The following AGTPBP1 variants were observed in gnomAD, a reference collection of about 807,000 sequenced individuals.
AGTPBP1 encodes the protein ATP/GTP binding carboxypeptidase 1, also known as cytosolic carboxypeptidase 1.
In AGTPBP1, 70 loss-of-function variants were observed where a neutral mutation model predicts 143.9. The observed-to-expected ratio is 0.49, with a 90% confidence interval of 0.40 to 0.59. The LOEUF (loss-of-function observed/expected upper bound fraction) is 0.59, where lower values mean the gene tolerates loss of function less well. Among genes scored for constraint, AGTPBP1 ranks in the 20% least tolerant of loss-of-function variants. The pLI is 0.00. For missense variants in AGTPBP1, 1,229 were observed against 1,464.5 expected (o/e 0.84, Z 2.62); for synonymous variants, 463 against 500.2 (o/e 0.93, Z 0.99).
intron 14 of AGTPBP1, among the ~76,000 whole-genome samples, chr9:85,628,944 T>G (rs1831480309): frequency 6.6e-6 from 1 of 152,122 alleles, no homozygotes. Context: ...CTCAATCTCC[T>G]GACCTCGTGA....
chr9:85,786,776 T>C, the AGTPBP1 span, among the ~76,000 whole-genome samples: 1 of 152,162 alleles, frequency 6.6e-6, no homozygotes, highest in East Asian at 1.9e-4. Context: ...TATATTCCCA[T>C]AGTAATCAAA....
the AGTPBP1 span, among the ~76,000 whole-genome samples, chr9:85,766,772 T>G: frequency 1.3e-5 from 2 of 152,210 alleles, no homozygotes; most frequent in African/African-American, 4.8e-5. Context: ...AATAGATCTG[T>G]CACTAGCAGA....
intron 7 of AGTPBP1, among the ~76,000 whole-genome samples, chr9:85,670,079 T>C (rs1176578169): frequency 1.3e-5 from 2 of 152,206 alleles, no homozygotes; most frequent in Non-Finnish European, 2.9e-5. Context: ...AAATGATGCC[T>C]AGGCTCAGTC....
At chr9:85,735,379 G>A (rs1387559055) in intron 1 of AGTPBP1, among the ~76,000 whole-genome samples, 1 of 152,164 alleles carries the variant, frequency 6.6e-6, no homozygotes, top group Non-Finnish European at 1.5e-5. Context: ...AATGGATTAT[G>A]GGGGAGGGGG....
Position 85,736,114 on chromosome 9 carries a change from C to T in AGTPBP1, c.-34+5661G>A, listed in dbSNP as rs190193477. On this transcript the variant is annotated intron_variant, in intron 1 of 25. Coordinates refer to ENST00000357081, the MANE Select transcript of AGTPBP1 (RefSeq NM_001330701.2). ...GCCTTCACTGTTTAATATTTACATT[C>T]CCAAAATGTTAAATTTGAACATTTA... Among the ~76,000 whole-genome samples the T allele has an allele frequency of 2.0e-3, 297 of 152,188 alleles. 2 individuals carry two copies. The Middle Eastern group carries it at 0.024, about 12-fold the overall frequency.
At chr9:85,768,496 T>C in the AGTPBP1 span, among the ~76,000 whole-genome samples, 481 of 152,286 alleles carry the variant, frequency 3.2e-3, 2 homozygotes, top group Admixed American at 5.6e-3. Context: ...TTATGTATTG[T>C]TTCTCTTAAA....
rs185903013 is a variant in AGTPBP1, at chr9:85,607,690, G to T, written c.2336-11241C>A. 3.1e-4 allele frequency among the ~76,000 whole-genome samples: 47 copies of T among 152,112 alleles called. No homozygotes were observed. The East Asian group carries it at 4.2e-3, about 14-fold the overall frequency. On this transcript the variant is annotated intron_variant, in intron 17 of 25. Transcript: ENST00000357081. Reference sequence around the variant, plus strand: ...AAGGCCAAAGTTTTATTGAGAACATGGTTAATATTATGTGCAAATACAAAG... The same window carrying T: ...AAGGCCAAAGTTTTATTGAGAACATTGTTAATATTATGTGCAAATACAAAG...
chr9:85,604,063 T>C (rs941392601), intron 17 of AGTPBP1, among the ~76,000 whole-genome samples: 2 of 152,138 alleles, frequency 1.3e-5, no homozygotes, highest in African/African-American at 2.4e-5. Flanking sequence ...GGGAAGTTCA[T>C]TGCCCTAAAG....
the AGTPBP1 span, chr9:85,753,232 A>G: frequency 5.8e-6 from 9 of 1,559,716 alleles, no homozygotes; most frequent in African/African-American, 5.5e-5. Flanking sequence ...AAGAAAGAAA[A>G]AAAAAATTGT....
upstream of AGTPBP1, among the ~76,000 whole-genome samples, chr9:85,746,915 A>G (rs1413730880): frequency 6.6e-6 from 1 of 152,130 alleles, no homozygotes; most frequent in Non-Finnish European, 1.5e-5. Context: ...GTGCGGTGGC[A>G]TGATCATAGC....
At chr9:85,766,757 T>G in the AGTPBP1 span, among the ~76,000 whole-genome samples, 5 of 152,176 alleles carry the variant, frequency 3.3e-5, no homozygotes. Flanking sequence ...AAGGTTAATA[T>G]TCCAAATAGA....
At chr9:85,790,344 A>AAAT in the AGTPBP1 span, among the ~76,000 whole-genome samples, 1 of 152,174 alleles carries the variant, frequency 6.6e-6, no homozygotes, top group Admixed American at 6.5e-5. Flanking sequence ...CTGACTTTTC[A>AAAT]TAGGTTTTGT....
At chr9:85,799,847 T>C in the AGTPBP1 span, among the ~76,000 whole-genome samples, 1 of 152,046 alleles carries the variant, frequency 6.6e-6, no homozygotes, top group Non-Finnish European at 1.5e-5. Flanking sequence ...AATGAGGCAA[T>C]AAAATGTTGA....
intron 13 of AGTPBP1, among the ~76,000 whole-genome samples, chr9:85,634,275 G>A (rs1831888588): frequency 6.6e-6 from 1 of 151,828 alleles, no homozygotes; most frequent in South Asian, 2.1e-4. Flanking sequence ...GCAGAGGTAG[G>A]TGGCAACTCT....
chr9:85,571,734 T>C (rs940992057), intron 25 of AGTPBP1, among the ~76,000 whole-genome samples: 2 of 152,308 alleles, frequency 1.3e-5, no homozygotes, highest in Middle Eastern at 3.4e-3. Context: ...GTATCCATGA[T>C]AGTCTTGCCA....
chr9:85,741,451 C>T (rs1824268530), intron 1 of AGTPBP1: 2 of 985,350 alleles, frequency 2.0e-6, no homozygotes, highest in African/African-American at 1.7e-5. Flanking sequence ...AAGGGCTGAG[C>T]AGAAAGGGCG....
Position 85,633,301 on chromosome 9 carries a change from G to C in AGTPBP1, c.1376C>G (p.Pro459Arg). The C allele has an allele frequency of 6.2e-7, 1 of 1,613,718 alleles. No individual in the cohort carries two copies. Among genetic ancestry groups the C allele is most frequent in the Non-Finnish European group, 8.5e-7 (1 of 1,179,888 alleles). ...CCCAGATGTTTCCTCGCCTGCCGTA[G>C]GAACAACAATAGGACCACGTACTTT... ...EGKVRGPIVV[P>R]TAGEETSGNS... Residue 459 changes from proline (P) to arginine (R), a missense_variant, in exon 14 of 26, where the codon CCT (proline) becomes CGT (arginine). Transcript: ENST00000357081.
intron 11 of AGTPBP1, among the ~76,000 whole-genome samples, chr9:85,647,271 C>T (rs554012324): frequency 6.6e-6 from 1 of 152,166 alleles, no homozygotes; most frequent in Admixed American, 6.5e-5. Context: ...GAGCAAAATT[C>T]TGTCTCAAAA....
chr9:85,693,615 T>C (rs1387617404), intron 2 of AGTPBP1, among the ~76,000 whole-genome samples: 1 of 151,788 alleles, frequency 6.6e-6, no homozygotes, highest in Non-Finnish European at 1.5e-5. Flanking sequence ...ACAAAAAAAA[T>C]TGTACATACG....
Sources: gnomAD v4.1 joint callset for allele counts (sites outside exome capture counted in the v4.1 genomes callset) on GRCh38, gnomAD v4.1.1 for gene constraint, MANE v1.5 for transcripts, NCBI Gene and HGNC (gene_info 2026-07-23, HGNC 2026-07-21) for gene names.